SMARCD3: variants seen among roughly 807,000 people sequenced by gnomAD.
SMARCD3 encodes SWI/SNF related BAF chromatin remodeling complex subunit D3, also known as SWI/SNF-related matrix-associated actin-dependent regulator of chromatin subfamily D member 3.
Under a neutral mutation model 58.0 loss-of-function variants are expected in SMARCD3, and 14 were observed. The ratio of observed to expected loss-of-function variants is 0.24; its 90% confidence interval spans 0.16 to 0.38. The LOEUF (loss-of-function observed/expected upper bound fraction) is 0.38, where lower values mean the gene tolerates loss of function less well. Among genes scored for constraint, SMARCD3 ranks in the 10% least tolerant of loss-of-function variants. SMARCD3 has a pLI of 1.00. For missense variants in SMARCD3, 408 were observed against 636.9 expected, an observed-to-expected ratio of 0.64 and a Z score of 3.87; for synonymous variants, 253 against 253.8, an observed-to-expected ratio of 1.00 and a Z score of 0.03.
chr7:151,248,738 ACGCCGCCGCCGCCCGCCCGCCGC>A (rs1334481939), upstream of SMARCD3: 170 of 1,169,934 alleles, frequency 1.5e-4, 14 homozygotes, highest in East Asian at 4.9e-3. The surrounding 1 kb of genome is among the most constrained non-coding windows in gnomAD (Gnocchi z 6.1). Context: ...CCCACGGCCC[ACGCCGCCGCCGCCCGCCCGCCGC>A]CGCCGCCGCC....
At chr7:151,270,265 C>G (rs1795135205) in intron 2 of SMARCD3, among the ~76,000 whole-genome samples, 1 of 152,150 alleles carries the variant, frequency 6.6e-6, no homozygotes, top group African/African-American at 2.4e-5. Flanking sequence ...CAGGGCAGCT[C>G]AGGCGACAGC....
rs1469874521 is a variant in SMARCD3, at chr7:151,245,090, C to T, written c.290+370G>A. Among the ~76,000 whole-genome samples, 1 of 152,190 alleles carries T rather than the reference C, an allele frequency of 6.6e-6. No individual in the cohort carries two copies. The highest frequency in any genetic ancestry group is 1.5e-5 in the Non-Finnish European group (1 of 68,034). ...CAGCGGAGAACCACACTTTGGGGAA[C>T]ACAGTCCTACACCTCTGCCCTCAGT... On this transcript the variant is annotated intron_variant, in intron 2 of 12. Coordinates refer to ENST00000262188, the MANE Select transcript of SMARCD3 (RefSeq NM_001003801.2). The surrounding 1 kb of genome is among the most constrained non-coding windows in gnomAD (Gnocchi z 6.2).
At chr7:151,251,916 T>TCGGGC, upstream of SMARCD3, among the ~76,000 whole-genome samples, 1 of 144,948 alleles carries the variant, frequency 6.9e-6, no homozygotes, top group Non-Finnish European at 1.5e-5. Context: ...CTGGGGGGGC[T>TCGGGC]CGGGCCGGCC....
intron 2 of SMARCD3, among the ~76,000 whole-genome samples, chr7:151,265,155 T>G (rs1804042699): frequency 6.6e-6 from 1 of 152,182 alleles, no homozygotes; most frequent in South Asian, 2.1e-4. Flanking sequence ...CCCTAATATA[T>G]CAGAATGTGA....
chr7:151,261,271 A>G (rs1257105776), intron 2 of SMARCD3, among the ~76,000 whole-genome samples: 1 of 152,200 alleles, frequency 6.6e-6, no homozygotes, highest in African/African-American at 2.4e-5. Flanking sequence ...TGCACACTGT[A>G]TGATGTCAGG....
chr7:151,241,407 G>T lies in SMARCD3; in HGVS notation c.939+85C>A. The T allele has an allele frequency of 2.6e-6, 3 of 1,134,086 alleles. No individual in the cohort carries two copies. The highest frequency in any genetic ancestry group is 3.9e-6 in the Non-Finnish European group (3 of 763,966). The allele number at this position is 1,134,086 out of a possible 1,614,324, so 70.3% of individuals were successfully genotyped here. A position where few individuals can be genotyped will look rare whatever the true frequency, so the allele number is the denominator to read the frequency against. On this transcript the variant is annotated intron_variant, in intron 8 of 12. Coordinates refer to ENST00000262188, the MANE Select transcript of SMARCD3 (RefSeq NM_001003801.2). This position sits in a 1 kb window ranked among gnomAD's most constrained non-coding sequence, Gnocchi z 5.3. ...GCTACTCAGGAATCTAGAAGGGAGG[G>T]GTGGTAGTTACCTTGGTAGAGGTAC...
Position 151,248,337 on chromosome 7 carries a change from G to A in SMARCD3, c.78+148C>T. On this transcript the variant is annotated intron_variant, in intron 1 of 12. Transcript: ENST00000262188. This position sits in a 1 kb window ranked among gnomAD's most constrained non-coding sequence, Gnocchi z 6.1. ...GACGTGTTCGGGTGCCAGGGCGCCA[G>A]CACAGTCCCGCGGCCGGGCCGTGGG... 1 of 613,964 alleles carries A rather than the reference G, an allele frequency of 1.6e-6. No individual in the cohort carries two copies. Among genetic ancestry groups the A allele is most frequent in the Non-Finnish European group, 2.8e-6 (1 of 360,102 alleles). 38.0% of individuals were successfully genotyped at this position (613,964 alleles called of 1,614,324 possible). A position where few individuals can be genotyped will look rare whatever the true frequency, so the allele number is the denominator to read the frequency against.
intron 10 of SMARCD3, 108 bp downstream of exon 10, chr7:151,240,004 T>TC: frequency 8.3e-7 from 1 of 1,205,272 alleles, no homozygotes; most frequent in East Asian, 2.5e-5. Context: ...TTTTTTTTTT[T>TC]TTAATTTAAC....
intron 1 of SMARCD3, among the ~76,000 whole-genome samples, chr7:151,276,117 G>A (rs1313348288): frequency 1.3e-5 from 2 of 150,644 alleles, no homozygotes; most frequent in East Asian, 3.9e-4. Flanking sequence ...GGAAGATGCG[G>A]TAGGGGAGGG....
chr7:151,244,619 G>C (rs1029549261), intron 2 of SMARCD3, among the ~76,000 whole-genome samples: 21 of 152,162 alleles, frequency 1.4e-4, no homozygotes, highest in African/African-American at 5.1e-4. Context: ...AGATAAATCA[G>C]GGAATTACCA....
intron 2 of SMARCD3, among the ~76,000 whole-genome samples, chr7:151,267,480 G>T (rs1203864065): frequency 6.6e-6 from 1 of 152,280 alleles, no homozygotes; most frequent in South Asian, 2.1e-4. Context: ...AGTCCTCAGG[G>T]GTTGGTACTC....
chr7:151,260,238 C>A (rs1371795642), intron 2 of SMARCD3, among the ~76,000 whole-genome samples: 1 of 152,104 alleles, frequency 6.6e-6, no homozygotes, highest in Non-Finnish European at 1.5e-5. Context: ...GACAGACTAA[C>A]CAACACACGC....
intron 2 of SMARCD3, among the ~76,000 whole-genome samples, chr7:151,244,451 T>C (rs1230347942): frequency 6.6e-6 from 1 of 152,100 alleles, no homozygotes; most frequent in Non-Finnish European, 1.5e-5. Flanking sequence ...GGTCAAGAGA[T>C]GAAAACGCAG....
At position 151,248,404 on chromosome 7, in the gene SMARCD3, C is replaced by T; in HGVS notation, c.78+81G>A. On this transcript the variant is annotated intron_variant, in intron 1 of 12. Transcript: ENST00000262188. This position sits in a 1 kb window ranked among gnomAD's most constrained non-coding sequence, Gnocchi z 6.1. ...TAGAGGGGTGGGAGAGCGGGAGCGCCCTCCCGGCCCCTCCCGATCAGCCCT... is the reference window on the plus strand; with the variant it reads ...TAGAGGGGTGGGAGAGCGGGAGCGCTCTCCCGGCCCCTCCCGATCAGCCCT... 8.2e-7 allele frequency: 1 copy of T among 1,226,616 alleles called. No homozygotes were observed. The highest frequency in any genetic ancestry group is 1.2e-6 in the Non-Finnish European group (1 of 842,018). The allele number at this position is 1,226,616 out of a possible 1,614,324, so 76.0% of individuals were successfully genotyped here.
Position 151,241,134 on chromosome 7 carries a change from A to G in SMARCD3, c.939+358T>C, listed in dbSNP as rs769330411. On this transcript the variant is annotated intron_variant, in intron 8 of 12. Coordinates refer to ENST00000262188, the MANE Select transcript of SMARCD3 (RefSeq NM_001003801.2). This position sits in a 1 kb window ranked among gnomAD's most constrained non-coding sequence, Gnocchi z 5.3. Reference sequence around the variant, plus strand: ...TGTCACTCCACTTCAAAGATAAGGAAACAAGGTTCAGAATCGCTGAGTCAC... The same window carrying G: ...TGTCACTCCACTTCAAAGATAAGGAGACAAGGTTCAGAATCGCTGAGTCAC... The G allele has an allele frequency of 3.2e-4, 111 of 347,434 alleles. No individual in the cohort carries two copies. The highest frequency in any genetic ancestry group is 1.3e-4 in the Non-Finnish European group (24 of 180,586). 21.5% of individuals were successfully genotyped at this position (347,434 alleles called of 1,614,324 possible). A position where few individuals can be genotyped will look rare whatever the true frequency, so the allele number is the denominator to read the frequency against.
chr7:151,246,146 G>C lies in SMARCD3; in HGVS notation c.79-475C>G, dbSNP rs911532635. ...GCCCCTGAAGGGCTGCCTCCTGGGG[G>C]CCCAGGGCTTTGCTCTCTGCGGCTT... On this transcript the variant is annotated intron_variant, in intron 1 of 12. Transcript: ENST00000262188. This position sits in a 1 kb window ranked among gnomAD's most constrained non-coding sequence, Gnocchi z 4.4. The C allele has an allele frequency of 1.3e-5, 2 of 152,238 alleles. No individual in the cohort carries two copies. Among genetic ancestry groups the C allele is most frequent in the East Asian group, 3.9e-4 (2 of 5,168 alleles). The allele number at this position is 152,238 out of a possible 1,614,324, so 9.4% of individuals were successfully genotyped here. A position where few individuals can be genotyped will look rare whatever the true frequency, so the allele number is the denominator to read the frequency against.
Position 151,239,596 on chromosome 7 carries a change from C to T in SMARCD3, c.1296+28G>A, listed in dbSNP as rs762531493. ...TTTCCCGCTGTGCTTGTCTTCCACT[C>T]CAGTACTCCCTGAGTCTCCCTCTTC... is the stretch of plus-strand genomic sequence containing the variant. On this transcript the variant is annotated intron_variant, in intron 11 of 12. Transcript: ENST00000262188. The surrounding 1 kb of genome is among the most constrained non-coding windows in gnomAD (Gnocchi z 7.0). 7 of 1,613,932 alleles carry T rather than the reference C, an allele frequency of 4.3e-6. No individual in the cohort carries two copies. In the African/African-American group the frequency reaches 6.7e-5, roughly 15 times the overall value.
rs1396967846 is a variant in SMARCD3, at chr7:151,248,402, GCCCTCCCGGC to G, written c.78+73_78+82del. On this transcript the variant is annotated intron_variant, in intron 1 of 12. Transcript: ENST00000262188. The surrounding 1 kb of genome is among the most constrained non-coding windows in gnomAD (Gnocchi z 6.1). ...ACTAGAGGGGTGGGAGAGCGGGAGC[GCCCTCCCGGC>G]CCCTCCCGATCAGCCCTCCATTCAG... is the stretch of plus-strand genomic sequence containing the variant. The G allele has an allele frequency of 3.3e-6, 4 of 1,194,508 alleles. No homozygotes were observed. The highest frequency in any genetic ancestry group is 2.0e-4 in the Middle Eastern group (1 of 5,036). The allele number at this position is 1,194,508 out of a possible 1,614,324, so 74.0% of individuals were successfully genotyped here.
chr7:151,264,938 A>G (rs1804036387), intron 2 of SMARCD3, among the ~76,000 whole-genome samples: 1 of 152,200 alleles, frequency 6.6e-6, no homozygotes, highest in African/African-American at 2.4e-5. Context: ...AGGACTGGAC[A>G]GTGGCAGGGA....
Sources: allele counts gnomAD v4.1 joint callset (sites outside exome capture counted in the v4.1 genomes callset), GRCh38; gene constraint gnomAD v4.1.1; non-coding constraint Gnocchi (gnomAD v3.1); transcripts MANE v1.5; gene names NCBI Gene and HGNC (gene_info 2026-07-23, HGNC 2026-07-21).